The following PC variants were observed in gnomAD, a reference collection of about 807,000 sequenced individuals.
PC encodes the protein pyruvate carboxylase.
A neutral mutation model predicts 107.8 loss-of-function variants in PC; 46 were observed. The observed-to-expected ratio is 0.43, with a 90% CI of 0.34 to 0.55. The LOEUF is 0.55. Among genes scored for constraint, PC ranks in the 20% least tolerant of loss-of-function variants. The probability of loss-of-function intolerance (pLI) is 0.04; values close to 1 mark genes in which losing one functional copy is unlikely to be tolerated. For missense variants in PC, 1,241 were observed against 1,643.1 expected (o/e 0.76, Z 4.23); for synonymous variants, 662 against 684.7 (o/e 0.97, Z 0.52).
At chr11:66,859,104 G>A (rs201354890) in intron 12 of PC, 36 of 1,482,420 alleles carry the variant, frequency 2.4e-5, no homozygotes, top group African/African-American at 8.6e-5. Flanking sequence ...GTGAGGATGC[G>A]TGCCCCACAC....
intron 3 of PC, among the ~76,000 whole-genome samples, chr11:66,897,838 G>C (rs913622165): frequency 1.3e-5 from 2 of 152,252 alleles, no homozygotes. Context: ...ACTTGCTCCA[G>C]GAGCACTGGA....
At chr11:66,922,150 T>C (rs1948611159) in intron 3 of PC, among the ~76,000 whole-genome samples, 1 of 152,122 alleles carries the variant, frequency 6.6e-6, no homozygotes, top group African/African-American at 2.4e-5. Context: ...AGTGTGGGGC[T>C]GGAAATCTAA....
At chr11:66,893,846 C>T (rs1279891357) in intron 3 of PC, among the ~76,000 whole-genome samples, 1 of 149,410 alleles carries the variant, frequency 6.7e-6, no homozygotes, top group African/African-American at 2.5e-5. Context: ...AACCAGACAC[C>T]TCCTCCTTCC....
intron 3 of PC, among the ~76,000 whole-genome samples, chr11:66,908,468 C>G (rs1456608622): frequency 6.6e-6 from 1 of 152,148 alleles, no homozygotes; most frequent in East Asian, 1.9e-4. Context: ...TACTATGAAA[C>G]CACCCAGCTC....
chr11:66,884,549 A>G (rs1947294800), intron 3 of PC, among the ~76,000 whole-genome samples: 1 of 152,196 alleles, frequency 6.6e-6, no homozygotes, highest in Admixed American at 6.5e-5. Flanking sequence ...TGTCCCATAC[A>G]TATTGATTAG....
At chr11:66,856,420 C>A (rs1430260230) in intron 12 of PC, among the ~76,000 whole-genome samples, 2 of 130,120 alleles carry the variant, frequency 1.5e-5, no homozygotes, top group African/African-American at 2.8e-5. Flanking sequence ...CAGGGCGGGG[C>A]GGCGGGGGCG....
chr11:66,911,764 G>A (rs558429568), intron 3 of PC, among the ~76,000 whole-genome samples: 14 of 152,274 alleles, frequency 9.2e-5, no homozygotes, highest in South Asian at 4.1e-4. Context: ...TGGGCATGGC[G>A]GCTCACACCT....
At chr11:66,875,422 G>A (rs567746681) in intron 3 of PC, among the ~76,000 whole-genome samples, 1 of 152,114 alleles carries the variant, frequency 6.6e-6, no homozygotes, top group African/African-American at 2.4e-5. Context: ...GCTCACAGAG[G>A]GGGAAGAGCA....
intron 3 of PC, among the ~76,000 whole-genome samples, chr11:66,939,542 C>T (rs1312158486): frequency 1.3e-5 from 2 of 152,002 alleles, no homozygotes; most frequent in Admixed American, 6.6e-5. Flanking sequence ...CAGTGGTTCA[C>T]GCCTGTAATC....
chr11:66,955,163 A>C (rs1949530221), intron 1 of PC, among the ~76,000 whole-genome samples: 1 of 152,076 alleles, frequency 6.6e-6, no homozygotes, highest in Non-Finnish European at 1.5e-5. Context: ...ATTCACCCAA[A>C]ACACTCATTA....
chr11:66,871,010 G>A lies in PC; in HGVS notation c.633+42C>T, dbSNP rs1278710985. On this transcript the variant is annotated intron_variant, in intron 7 of 22. Coordinates refer to ENST00000393960, the MANE Select transcript of PC (RefSeq NM_001040716.2). This position sits in a 1 kb window ranked among gnomAD's most constrained non-coding sequence, Gnocchi z 7.4. The stretch of plus-strand genomic sequence containing the variant: ...GTGGTCCGCCCCTGCCCCCACGGCA[G>A]GCTGCCCTGCCCTGCTCCCAGCCCT... 7 of 1,613,100 alleles carry A rather than the reference G, an allele frequency of 4.3e-6. No homozygotes were observed. In the South Asian group the frequency reaches 7.7e-5, roughly 18 times the overall value.
chr11:66,893,386 C>T (rs1311563753), intron 3 of PC, among the ~76,000 whole-genome samples: 1 of 152,040 alleles, frequency 6.6e-6, no homozygotes. Flanking sequence ...AGAGTCGCTT[C>T]TCCACTCTCC....
At position 66,852,544 on chromosome 11, in the gene PC, G is replaced by A. The variant is rs758957500; in HGVS notation, c.1720C>T (p.His574Tyr). Residue 574 changes from histidine (H) to tyrosine (Y), a missense_variant, in exon 15 of 23, where the codon CAC (histidine) becomes TAC (tyrosine). This residue lies in a region of PC where 1,143 missense variants were observed against 1,551.9 expected (regional missense o/e 0.74). Transcript: ENST00000393960. This position sits in a 1 kb window ranked among gnomAD's most constrained non-coding sequence, Gnocchi z 4.7. ...LLMDTTFRDA[H>Y]QSLLATRVRT... Reference sequence around the variant, plus strand: ...ACACGAGTGGCCAGCAGTGACTGGTGGGCGTCCCTGAAGGTCGTGTCCATC... The same window carrying A: ...ACACGAGTGGCCAGCAGTGACTGGTAGGCGTCCCTGAAGGTCGTGTCCATC... 1 of 1,614,076 alleles carries A rather than the reference G, an allele frequency of 6.2e-7. No homozygotes were observed. Among genetic ancestry groups the A allele is most frequent in the East Asian group, 2.2e-5 (1 of 44,888 alleles).
chr11:66,911,968 G>T (rs1344626373), intron 3 of PC, among the ~76,000 whole-genome samples: 1 of 152,130 alleles, frequency 6.6e-6, no homozygotes, highest in African/African-American at 2.4e-5. Context: ...AGGAGGCAGA[G>T]GTTGTGGTGA....
At chr11:66,884,007 G>A (rs1200648312) in intron 3 of PC, among the ~76,000 whole-genome samples, 1 of 152,192 alleles carries the variant, frequency 6.6e-6, no homozygotes, top group Non-Finnish European at 1.5e-5. Flanking sequence ...CACTTTGGGA[G>A]GCTGAAGCGG....
Position 66,866,240 on chromosome 11 carries a change from C to T in PC, c.1132G>A (p.Val378Ile). ...RINGCAIQCR[V>I]TTEDPARSFQ... ...CTGCGCGCGGGGTCCTCGGTGGTGACCCGGCACTGGATGGCACACCCGTTG... is the reference window on the plus strand; with the variant it reads ...CTGCGCGCGGGGTCCTCGGTGGTGATCCGGCACTGGATGGCACACCCGTTG... Residue 378 changes from valine (V) to isoleucine (I), a missense_variant, in exon 11 of 23, where the codon GTC (valine) becomes ATC (isoleucine). Val to Ile is a conservative substitution (Grantham distance 29). Transcript: ENST00000393960. The surrounding 1 kb of genome is among the most constrained non-coding windows in gnomAD (Gnocchi z 5.4). 1 of 1,612,652 alleles carries T rather than the reference C, an allele frequency of 6.2e-7. No homozygotes were observed. The highest frequency in any genetic ancestry group is 8.5e-7 in the Non-Finnish European group (1 of 1,179,812).
chr11:66,929,431 A>G (rs994590364), intron 3 of PC, among the ~76,000 whole-genome samples: 2 of 152,024 alleles, frequency 1.3e-5, no homozygotes, highest in African/African-American at 2.4e-5. Flanking sequence ...CAGTGGCCCA[A>G]TCTCAGCTCA....
chr11:66,954,866 C>T (rs1374477981), intron 1 of PC, among the ~76,000 whole-genome samples: 2 of 152,086 alleles, frequency 1.3e-5, no homozygotes, highest in African/African-American at 4.8e-5. Context: ...TCACTTGAAT[C>T]CGGGAGGCAG....
In PC at chr11:66,850,861, G is replaced by A. The variant is rs1051707; in HGVS notation, c.2286C>T (p.Arg762=). The A allele has an allele frequency of 9.9e-6, 16 of 1,611,754 alleles. No individual in the cohort carries two copies. Among genetic ancestry groups the A allele is most frequent in the East Asian group, 2.2e-5 (1 of 44,890 alleles). Residue 762 remains arginine, a synonymous_variant, in exon 18 of 23, where the codon CGC becomes CGT. Transcript: ENST00000393960. The part of the protein sequence containing the change: ...CTMLVSSLRD[R]FPDLPLHIHT... Reference sequence around the variant, plus strand: ...GGATGTGCAGTGGGAGGTCGGGGAAGCGGTCCCGGAGGGAGCTGACCAGCA... The same window carrying A: ...GGATGTGCAGTGGGAGGTCGGGGAAACGGTCCCGGAGGGAGCTGACCAGCA...
Sources: gnomAD v4.1 joint callset for allele counts (sites outside exome capture counted in the v4.1 genomes callset) on GRCh38, gnomAD v4.1.1 for gene constraint, gnomAD v4.1.1 regional missense constraint, Gnocchi (gnomAD v3.1) non-coding constraint, MANE v1.5 for transcripts, NCBI Gene and HGNC (gene_info 2026-07-23, HGNC 2026-07-21) for gene names.